Variants in AMBRA1 observed in about 807,000 individuals in gnomAD.
AMBRA1 encodes the protein activating molecule in BECN1-regulated autophagy protein 1.
In AMBRA1, 47 loss-of-function variants were observed where a neutral mutation model predicts 125.4. The observed-to-expected ratio is 0.37, with a 90% CI of 0.30 to 0.48. The LOEUF is 0.48. AMBRA1 is among the 20% of genes least tolerant of loss of function. The probability of loss-of-function intolerance (pLI) is 0.99; values close to 1 mark genes in which losing one functional copy is unlikely to be tolerated. For synonymous variants in AMBRA1, 626 were observed against 655.5 expected (o/e 0.95, Z 0.69); for missense variants, 1,331 against 1,693.4 (o/e 0.79, Z 3.76).
At chr11:46,423,826 C>T (rs374098590) in intron 14 of AMBRA1, among the ~76,000 whole-genome samples, 4 of 139,408 alleles carry the variant, frequency 2.9e-5, no homozygotes, top group African/African-American at 1.1e-4. Flanking sequence ...TGCAGTGGCA[C>T]GATATCAGCT....
intron 1 of AMBRA1, among the ~76,000 whole-genome samples, chr11:46,574,911 AT>A (rs369135951): frequency 2.7e-4 from 41 of 152,358 alleles, no homozygotes; most frequent in African/African-American, 9.9e-4. Flanking sequence ...ACATGGAAGA[AT>A]AAATGTAAAA....
At chr11:46,462,759 C>CT (rs536203549) in intron 11 of AMBRA1, among the ~76,000 whole-genome samples, 23 of 148,160 alleles carry the variant, frequency 1.6e-4, no homozygotes, top group South Asian at 4.3e-4. Context: ...CACCCCCCTC[C>CT]TTTTTTTTTT....
chr11:46,581,934 T>C (rs947787120), intron 1 of AMBRA1, among the ~76,000 whole-genome samples: 9 of 150,682 alleles, frequency 6.0e-5, no homozygotes, highest in African/African-American at 1.5e-4. Flanking sequence ...CTAGGCAACA[T>C]AGTGAGGCTT....
chr11:46,537,095 T>C (rs1276196481), intron 7 of AMBRA1, among the ~76,000 whole-genome samples: 1 of 152,236 alleles, frequency 6.6e-6, no homozygotes, highest in Non-Finnish European at 1.5e-5. Context: ...TTAATCAATG[T>C]AGTTCTATGG....
rs1267047907 is a variant in AMBRA1, at chr11:46,574,207, T to A, written c.-121+19621A>T. Among the ~76,000 whole-genome samples, 3 of 143,846 alleles carry A rather than the reference T, an allele frequency of 2.1e-5. No homozygotes were observed. In the Admixed American group the frequency reaches 2.1e-4, roughly 10 times the overall value. 94.4% of individuals were successfully genotyped at this position (143,846 alleles called of 152,430 possible). ...GTAATAGGATGGCTGGGTGAAATGG[T>A]ATTTCTAGTTCTAGATCCCTGAGGA... On this transcript the variant is annotated intron_variant, in intron 1 of 17. Coordinates refer to ENST00000683756, the MANE Select transcript of AMBRA1 (RefSeq NM_001387011.1).
intron 11 of AMBRA1, among the ~76,000 whole-genome samples, chr11:46,465,194 C>T (rs1279633199): frequency 1.3e-5 from 2 of 152,188 alleles, no homozygotes; most frequent in East Asian, 1.9e-4. Context: ...CCTAAACTTA[C>T]TTAGCCTCAC....
At position 46,397,874 on chromosome 11, in the gene AMBRA1, C is replaced by T. The variant is rs147448508; in HGVS notation, c.3473G>A (p.Gly1158Asp). The T allele has an allele frequency of 1.2e-6, 2 of 1,600,138 alleles. No homozygotes were observed. Among genetic ancestry groups the T allele is most frequent in the Non-Finnish European group, 1.7e-6 (2 of 1,179,948 alleles). The change falls in exon 18 of 18, where the codon GGC (glycine) becomes GAC (aspartate). Residue 1158 changes from glycine (G) to aspartate (D), a missense_variant. Gly to Asp is a moderately conservative substitution (Grantham distance 94). Transcript: ENST00000683756. ...LSRIQRLMAEGGMTAVVQREQ... is the reference protein window; with the variant it reads ...LSRIQRLMAEDGMTAVVQREQ... ...CCGCTGCACCACGGCTGTCATGCCG[C>T]CCTCCGCCATCAGCCTCTGGATCCT...
In AMBRA1 at chr11:46,429,287, G is replaced by A. The variant is rs568111487; in HGVS notation, c.2976+4187C>T. On this transcript the variant is annotated intron_variant, in intron 14 of 17. Coordinates refer to ENST00000683756, the MANE Select transcript of AMBRA1 (RefSeq NM_001387011.1). ...TCAGAAATCGGTGTGTGGGGAGTGGGAGAGAGGCCCCCTGCCCGCATCCTG... is the reference window on the plus strand; with the variant it reads ...TCAGAAATCGGTGTGTGGGGAGTGGAAGAGAGGCCCCCTGCCCGCATCCTG... 103 of 759,836 alleles carry A rather than the reference G, an allele frequency of 1.4e-4. 2 individuals carry two copies. The South Asian group carries it at 1.5e-3, about 11-fold the overall frequency. 47.1% of individuals were successfully genotyped at this position (759,836 alleles called of 1,614,324 possible).
intron 12 of AMBRA1, among the ~76,000 whole-genome samples, chr11:46,442,617 G>T (rs1034953656): frequency 6.6e-6 from 1 of 152,112 alleles, no homozygotes; most frequent in East Asian, 1.9e-4. Context: ...GATTCCAATA[G>T]AACAACTGGG....
chr11:46,469,339 T>C (rs1160643574), intron 11 of AMBRA1, among the ~76,000 whole-genome samples: 2 of 152,104 alleles, frequency 1.3e-5, no homozygotes, highest in Non-Finnish European at 2.9e-5. Flanking sequence ...CTGAATGTTT[T>C]AGAAACAGAG....
intron 1 of AMBRA1, among the ~76,000 whole-genome samples, chr11:46,578,695 A>C (rs570106756): frequency 5.5e-4 from 83 of 151,616 alleles, no homozygotes; most frequent in African/African-American, 1.9e-3. Flanking sequence ...CATCCTGGCT[A>C]ACACGGTGAA....
chr11:46,515,890 G>A (rs1258160426), intron 7 of AMBRA1, among the ~76,000 whole-genome samples: 1 of 152,126 alleles, frequency 6.6e-6, no homozygotes, highest in Non-Finnish European at 1.5e-5. Flanking sequence ...TGGTCAGGCT[G>A]GTCTCAAACT....
chr11:46,416,385 G>C (rs1374105855), intron 15 of AMBRA1, among the ~76,000 whole-genome samples: 4 of 152,188 alleles, frequency 2.6e-5, no homozygotes, highest in Non-Finnish European at 5.9e-5. Flanking sequence ...GGTCTCTGGA[G>C]CAAGTGGCTT....
chr11:46,593,584 C>T (rs2044684551), intron 1 of AMBRA1, among the ~76,000 whole-genome samples: 1 of 152,164 alleles, frequency 6.6e-6, no homozygotes, highest in Non-Finnish European at 1.5e-5. Context: ...CTGGGGGTGC[C>T]CTAGACCCAA....
intron 7 of AMBRA1, among the ~76,000 whole-genome samples, chr11:46,523,258 T>C (rs975767355): frequency 2.0e-5 from 3 of 152,240 alleles, no homozygotes; most frequent in African/African-American, 7.2e-5. Context: ...GGGGATGTAC[T>C]ACTTGCCCTT....
chr11:46,538,246 A>G (rs1952571112), intron 7 of AMBRA1, among the ~76,000 whole-genome samples: 1 of 152,226 alleles, frequency 6.6e-6, no homozygotes, highest in South Asian at 2.1e-4. Context: ...AGCTCATTTA[A>G]AAGTGATTCC....
At chr11:46,527,477 CAAAAAAAAAAAAAA>C (rs59904013) in intron 7 of AMBRA1, among the ~76,000 whole-genome samples, 1 of 25,924 alleles carries the variant, frequency 3.9e-5, no homozygotes, top group African/African-American at 2.0e-4. Context: ...GAGACTGTCT[CAAAAAAAAAAAAAA>C]AAAAAAAAAA....
In AMBRA1 at chr11:46,476,078, A is replaced by C. The variant is rs79777974; in HGVS notation, c.2521+17530T>G. ...GTGGAGAGCTGCACTCAGTGCCTGA[A>C]AACAATGACTGATGAGTCCACACAA... On this transcript the variant is annotated intron_variant, in intron 11 of 17. Transcript: ENST00000683756. 6.5e-3 allele frequency among the ~76,000 whole-genome samples: 983 copies of C among 152,324 alleles called. 9 individuals carry two copies. Among genetic ancestry groups the C allele is most frequent in the African/African-American group, 0.023 (951 of 41,566 alleles).
At chr11:46,460,230 C>A (rs1949040503) in intron 11 of AMBRA1, among the ~76,000 whole-genome samples, 1 of 152,064 alleles carries the variant, frequency 6.6e-6, no homozygotes, top group Non-Finnish European at 1.5e-5. Flanking sequence ...AGAAATAAAT[C>A]AATCAAACTA....
Sources: allele counts gnomAD v4.1 joint callset (sites outside exome capture counted in the v4.1 genomes callset), GRCh38; gene constraint gnomAD v4.1.1; transcripts MANE v1.5; gene names NCBI Gene and HGNC (gene_info 2026-07-23, HGNC 2026-07-21).